ADRA1B: variants seen among roughly 807,000 people sequenced by gnomAD.
ADRA1B encodes the protein alpha-1B adrenergic receptor.
Under a neutral mutation model 17.9 loss-of-function variants are expected in ADRA1B, and 17 were observed. The ratio of observed to expected loss-of-function variants is 0.95; its 90% CI spans 0.65 to 1.42. The LOEUF (loss-of-function observed/expected upper bound fraction) is 1.42. Among genes scored for constraint, ADRA1B ranks in the 40% most tolerant of loss-of-function variants. The pLI is 0.00. For synonymous variants in ADRA1B, 366 were observed against 327.6 expected, an observed-to-expected ratio of 1.12 and a Z score of -1.27; for missense variants, 681 against 722.1, an observed-to-expected ratio of 0.94 and a Z score of 0.65.
intron 1 of ADRA1B, among the ~76,000 whole-genome samples, chr5:159,898,442 CAT>C (rs1302379628): frequency 2.6e-5 from 4 of 152,238 alleles, no homozygotes; most frequent in East Asian, 3.9e-4. Context: ...CTCTGATAAA[CAT>C]ATGATTCTCA....
chr5:159,894,305 A>G (rs1055163340), intron 1 of ADRA1B, among the ~76,000 whole-genome samples: 1 of 152,258 alleles, frequency 6.6e-6, no homozygotes, highest in Non-Finnish European at 1.5e-5. Context: ...AGAGTCTGCA[A>G]TCCTTTAACT....
intron 1 of ADRA1B, among the ~76,000 whole-genome samples, chr5:159,938,248 G>A (rs569337139): frequency 6.6e-6 from 1 of 152,194 alleles, no homozygotes; most frequent in Non-Finnish European, 1.5e-5. Context: ...ATCTTGTATT[G>A]ACCAATTAGC....
chr5:159,963,460 C>T (rs1483247137), intron 1 of ADRA1B, among the ~76,000 whole-genome samples: 1 of 152,110 alleles, frequency 6.6e-6, no homozygotes, highest in African/African-American at 2.4e-5. Context: ...ATTTGAGTTT[C>T]TGTTCCCCTG....
intron 1 of ADRA1B, among the ~76,000 whole-genome samples, chr5:159,962,704 T>C (rs1478746623): frequency 6.9e-6 from 1 of 145,782 alleles, no homozygotes; most frequent in East Asian, 2.0e-4. Context: ...AAGGTCTCGC[T>C]CTATTGCCCA....
At chr5:159,918,589 AGTT>A (rs780096461) in intron 1 of ADRA1B, among the ~76,000 whole-genome samples, 13 of 152,356 alleles carry the variant, frequency 8.5e-5, no homozygotes, top group Non-Finnish European at 1.6e-4. Context: ...ATCAAATTAT[AGTT>A]GTCCCTCATC....
At chr5:159,908,897 C>T (rs537839854) in intron 1 of ADRA1B, among the ~76,000 whole-genome samples, 9 of 152,286 alleles carry the variant, frequency 5.9e-5, no homozygotes, top group Admixed American at 1.3e-4. Flanking sequence ...TTGCAATTCA[C>T]ACCTCATAGC....
chr5:159,932,744 A>G (rs2113204681), intron 1 of ADRA1B, among the ~76,000 whole-genome samples: 1 of 152,274 alleles, frequency 6.6e-6, no homozygotes, highest in African/African-American at 2.4e-5. Flanking sequence ...TTTTAATGGA[A>G]ATAACTTAAA....
rs1458994552 is a variant in ADRA1B, at chr5:159,916,958, G to A, written c.53G>A (p.Gly18Glu). 12 of 1,614,132 alleles carry A rather than the reference G, an allele frequency of 7.4e-6. No homozygotes were observed. The highest frequency in any genetic ancestry group is 1.0e-5 in the Non-Finnish European group (12 of 1,180,004). The change falls in exon 1 of 2, where the codon GGA becomes GAA. Residue 18 changes from glycine to glutamate, a missense_variant. Gly to Glu is a moderately conservative substitution (Grantham distance 98). Coordinates refer to ENST00000306675, the MANE Select transcript of ADRA1B (RefSeq NM_000679.4). ...GHNTSAPAHW[G>E]ELKNANFTGP... ...AACACATCAGCACCTGCCCACTGGGGAGAGTTGAAAAATGCCAACTTCACT... is the reference window on the plus strand; with the variant it reads ...AACACATCAGCACCTGCCCACTGGGAAGAGTTGAAAAATGCCAACTTCACT...
chr5:159,986,221 A>G, the ADRA1B span, among the ~76,000 whole-genome samples: 1 of 152,184 alleles, frequency 6.6e-6, no homozygotes, highest in Non-Finnish European at 1.5e-5. Flanking sequence ...CGGCCTCCCA[A>G]GTAGCTGGGA....
chr5:159,948,871 C>A (rs1755349365), intron 1 of ADRA1B, among the ~76,000 whole-genome samples: 1 of 152,084 alleles, frequency 6.6e-6, no homozygotes, highest in African/African-American at 2.4e-5. Flanking sequence ...GTCTCAGATA[C>A]TGTACTAAGT....
chr5:159,948,062 C>T, intron 1 of ADRA1B: 2 of 985,440 alleles, frequency 2.0e-6, no homozygotes, highest in Non-Finnish European at 2.4e-6. Flanking sequence ...AGAGATTAAA[C>T]TTGGAATCCT....
intron 1 of ADRA1B, among the ~76,000 whole-genome samples, chr5:159,899,855 A>G (rs962902163): frequency 3.9e-5 from 6 of 152,210 alleles, no homozygotes; most frequent in African/African-American, 1.4e-4. Flanking sequence ...TATCTGTTTT[A>G]TAGCCTGTGA....
chr5:159,982,131 T>G, the ADRA1B span, among the ~76,000 whole-genome samples: 1 of 152,224 alleles, frequency 6.6e-6, no homozygotes, highest in African/African-American at 2.4e-5. Context: ...CGGCCAACAG[T>G]CAGCCTCAAC....
chr5:159,887,062 C>T (rs1247304476), intron 1 of ADRA1B, among the ~76,000 whole-genome samples: 1 of 152,114 alleles, frequency 6.6e-6, no homozygotes, highest in East Asian at 1.9e-4. Flanking sequence ...AAAGATTCTC[C>T]TTAGTAACAA....
At chr5:159,911,215 A>T (rs1435261442) in intron 1 of ADRA1B, among the ~76,000 whole-genome samples, 2 of 152,234 alleles carry the variant, frequency 1.3e-5, no homozygotes, top group African/African-American at 4.8e-5. Context: ...GCCCATGGCC[A>T]GCAAGGGTCA....
chr5:159,948,254 G>T (rs890178721), intron 1 of ADRA1B: 3 of 985,278 alleles, frequency 3.0e-6, no homozygotes, highest in Non-Finnish European at 3.6e-6. Flanking sequence ...TGAAAGCTCC[G>T]CAGGTTAAGA....
At position 159,917,051 on chromosome 5, in the gene ADRA1B, G is replaced by A. The variant is rs1754334007; in HGVS notation, c.146G>A (p.Gly49Asp). The change falls in exon 1 of 2, where the codon GGC (glycine) becomes GAC (aspartate). Residue 49 changes from glycine to aspartate, a missense_variant. Physicochemically the swap from Gly to Asp is moderately conservative, Grantham distance 94. Transcript: ENST00000306675. Reference protein sequence around the residue: ...QLDITRAISVGLVLGAFILFA... With the variant: ...QLDITRAISVDLVLGAFILFA... ...GACATCACCAGGGCCATCTCTGTGGGCCTGGTGCTGGGCGCCTTCATCCTC... is the reference window on the plus strand; with the variant it reads ...GACATCACCAGGGCCATCTCTGTGGACCTGGTGCTGGGCGCCTTCATCCTC... The A allele has an allele frequency of 6.2e-7, 1 of 1,614,048 alleles. No homozygotes were observed. Among genetic ancestry groups the A allele is most frequent in the African/African-American group, 1.3e-5 (1 of 74,916 alleles).
intron 1 of ADRA1B, chr5:159,870,166 C>G (rs11954917): frequency 3.9e-5 from 6 of 152,122 alleles, no homozygotes; most frequent in Non-Finnish European, 7.4e-5. Context: ...CATCTAGACT[C>G]GGAGGTACAG....
chr5:159,988,462 G>T, the ADRA1B span, among the ~76,000 whole-genome samples: 33 of 152,306 alleles, frequency 2.2e-4, no homozygotes, highest in African/African-American at 7.2e-4. Flanking sequence ...ATCTCAGCAG[G>T]TGTCAGACTC....
Sources: allele counts gnomAD v4.1 joint callset (sites outside exome capture counted in the v4.1 genomes callset), GRCh38; gene constraint gnomAD v4.1.1; transcripts MANE v1.5; gene names NCBI Gene and HGNC (gene_info 2026-07-23, HGNC 2026-07-21).